ATP9B: variants seen among roughly 807,000 people sequenced by gnomAD.
The protein encoded by ATP9B is ATPase phospholipid transporting 9B, also known as probable phospholipid-transporting ATPase IIB.
In ATP9B, 110 loss-of-function variants were observed where a neutral mutation model predicts 146.1. The observed-to-expected ratio is 0.75, with a 90% CI of 0.65 to 0.88. ATP9B has a LOEUF of 0.88. Ranked by LOEUF, ATP9B falls within the 40% of genes least tolerant of loss-of-function variation. ATP9B has a pLI of 0.00. For missense variants in ATP9B, 1,499 were observed against 1,496.4 expected (o/e 1.00, Z -0.03); for synonymous variants, 604 against 569.7 (o/e 1.06, Z -0.86).
At chr18:79,299,697 G>A (rs1465622428) in intron 13 of ATP9B, among the ~76,000 whole-genome samples, 1 of 152,174 alleles carries the variant, frequency 6.6e-6, no homozygotes, top group Non-Finnish European at 1.5e-5. Context: ...TATTTTACAG[G>A]TGAATAAACT....
chr18:79,265,063 CA>C (rs1292424350), intron 12 of ATP9B, among the ~76,000 whole-genome samples: 2 of 152,150 alleles, frequency 1.3e-5, no homozygotes, highest in Non-Finnish European at 2.9e-5. Flanking sequence ...TCCCTCCTCC[CA>C]CCCTCCAGCC....
chr18:79,106,370 T>C (rs2075649589), intron 2 of ATP9B, among the ~76,000 whole-genome samples: 1 of 152,226 alleles, frequency 6.6e-6, no homozygotes, highest in East Asian at 1.9e-4. Context: ...TTTTTAGCTC[T>C]ACTACTCAGT....
At chr18:79,143,576 G>A (rs1035682047) in intron 5 of ATP9B, among the ~76,000 whole-genome samples, 7 of 152,090 alleles carry the variant, frequency 4.6e-5, no homozygotes, top group East Asian at 3.9e-4. Context: ...AAATTACTAC[G>A]AAGAAATTCT....
chr18:79,198,481 T>C (rs2095437044), intron 9 of ATP9B, among the ~76,000 whole-genome samples: 1 of 152,216 alleles, frequency 6.6e-6, no homozygotes, highest in African/African-American at 2.4e-5. Context: ...CATGAGTTGC[T>C]TAATAGTAGA....
chr18:79,336,488 G>A (rs2096827763), intron 17 of ATP9B, 140 bp from the exon 18 acceptor site: 2 of 695,200 alleles, frequency 2.9e-6, no homozygotes, highest in African/African-American at 1.8e-5. Flanking sequence ...CTGCTGAGTT[G>A]TCTCTGGCCT....
intron 1 of ATP9B, chr18:79,087,494 A>G (rs1270447928): frequency 3.9e-5 from 6 of 152,240 alleles, no homozygotes; most frequent in African/African-American, 1.4e-4. Context: ...TCTTTATAGC[A>G]CTTAGTTTTT....
chr18:79,270,337 CTGTGTATATGTTTGTACTGCTAT>C (rs1031856005), intron 12 of ATP9B, among the ~76,000 whole-genome samples: 1 of 151,872 alleles, frequency 6.6e-6, no homozygotes, highest in African/African-American at 2.4e-5. Flanking sequence ...TGTGTGTACA[CTGTGTATATGTTTGTACTGCTAT>C]ACAGAATGTA....
intron 11 of ATP9B, among the ~76,000 whole-genome samples, chr18:79,248,639 T>C (rs137945843): frequency 2.0e-5 from 3 of 152,332 alleles, no homozygotes; most frequent in Admixed American, 2.0e-4. Context: ...TAGTGCAGAG[T>C]AGCATGAATG....
chr18:79,206,795 C>T (rs2095538318), intron 9 of ATP9B, 142 bp from the exon 10 acceptor site: 6 of 646,390 alleles, frequency 9.3e-6, no homozygotes, highest in African/African-American at 3.7e-5. Flanking sequence ...TCCCTTTTTT[C>T]TAACGTCTGT....
At chr18:79,123,615 T>TA (rs1321660309) in intron 4 of ATP9B, among the ~76,000 whole-genome samples, 2 of 152,068 alleles carry the variant, frequency 1.3e-5, no homozygotes, top group Non-Finnish European at 2.9e-5. Flanking sequence ...GAGTGGCTAA[T>TA]ACGTCATAGA....
intron 19 of ATP9B, chr18:79,340,211 T>C (rs1260946591): frequency 1.3e-5 from 2 of 152,260 alleles, no homozygotes; most frequent in Non-Finnish European, 2.9e-5. Flanking sequence ...AAGTAGTGAA[T>C]ATCCCTTGCA....
intron 25 of ATP9B, among the ~76,000 whole-genome samples, chr18:79,356,871 G>A (rs1316834079): frequency 1.7e-5 from 1 of 60,506 alleles, no homozygotes; most frequent in Non-Finnish European, 3.8e-5. Context: ...GAGGGACCCT[G>A]TGTGAGGGAT....
intron 7 of ATP9B, chr18:79,173,612 C>T (rs986488053): frequency 6.8e-6 from 3 of 439,008 alleles, no homozygotes; most frequent in African/African-American, 6.2e-5. Context: ...GTAAATGCAT[C>T]AAAAGTAGTT....
At chr18:79,277,266 T>C in intron 13 of ATP9B, 70 bp downstream of exon 13, 2 of 1,563,450 alleles carry the variant, frequency 1.3e-6, no homozygotes, top group Non-Finnish European at 8.8e-7. Context: ...GCATAGCGTA[T>C]AGATATATGT....
chr18:79,307,959 C>T (rs1378405010), intron 15 of ATP9B, among the ~76,000 whole-genome samples: 3 of 152,076 alleles, frequency 2.0e-5, no homozygotes, highest in African/African-American at 4.8e-5. Flanking sequence ...AAAACTGTGT[C>T]ATATACATAA....
At position 79,303,691 on chromosome 18, in the gene ATP9B, G is replaced by C. The variant is rs35992437; in HGVS notation, c.1499G>C (p.Ser500Thr). 6.2e-7 allele frequency: 1 copy of C among 1,613,972 alleles called. No individual in the cohort carries two copies. The highest frequency in any genetic ancestry group is 8.5e-7 in the Non-Finnish European group (1 of 1,179,950). ...YGADTMDEIQ[S>T]HVRDSYSQMQ... ...GCCGACACGATGGATGAGATCCAGA[G>C]CCATGTCAGGGACTCCTACTCACAG... is the stretch of plus-strand genomic sequence containing the variant. Residue 500 changes from serine to threonine, a missense_variant, in exon 14 of 30, where the codon AGC becomes ACC. Transcript: ENST00000426216.
intron 28 of ATP9B, among the ~76,000 whole-genome samples, chr18:79,375,148 CT>C (rs1403605962): frequency 6.6e-6 from 1 of 152,218 alleles, no homozygotes; most frequent in African/African-American, 2.4e-5. Context: ...TCTCTGTCTC[CT>C]AGGGGAATGC....
intron 5 of ATP9B, among the ~76,000 whole-genome samples, chr18:79,128,330 T>A (rs567741212): frequency 1.3e-5 from 2 of 152,238 alleles, no homozygotes; most frequent in Non-Finnish European, 2.9e-5. Context: ...AGTGCTGGGA[T>A]TACAGGCGTG....
chr18:79,193,303 T>C, intron 9 of ATP9B, 40 bp downstream of exon 9: 1 of 1,490,490 alleles, frequency 6.7e-7, no homozygotes, highest in South Asian at 1.2e-5. Flanking sequence ...AGAGTTATTG[T>C]GTAAGTTAAA....
Sources: allele counts gnomAD v4.1 joint callset (sites outside exome capture counted in the v4.1 genomes callset), GRCh38; gene constraint gnomAD v4.1.1; transcripts MANE v1.5; gene names NCBI Gene and HGNC (gene_info 2026-07-23, HGNC 2026-07-21).